Variants in DMD observed in about 807,000 individuals in gnomAD.
DMD encodes mutant dystrophin.
In DMD, 63 loss-of-function variants were observed where a neutral mutation model predicts 330.1. The ratio of observed to expected loss-of-function variants is 0.19; its 90% CI spans 0.16 to 0.24. The LOEUF (loss-of-function observed/expected upper bound fraction) is 0.24. Among genes scored for constraint, DMD ranks in the 10% least tolerant of loss-of-function variants. DMD has a pLI of 1.00. For synonymous variants in DMD, 1,223 were observed against 959.8 expected, an observed-to-expected ratio of 1.27 and a Z score of -5.07; for missense variants, 3,344 against 2,684.1, an observed-to-expected ratio of 1.25 and a Z score of -5.43.
chrX:31,707,530 G>A (rs1260594144), intron 52 of DMD, among the ~76,000 whole-genome samples: 3 of 110,696 alleles, frequency 2.7e-5, no homozygotes, highest in Non-Finnish European at 5.7e-5. Flanking sequence ...TCACTAACAT[G>A]GCGATGGGAT....
chrX:31,640,578 G>A (rs1486755198), intron 54 of DMD, among the ~76,000 whole-genome samples: 2 of 111,949 alleles, frequency 1.8e-5, no homozygotes, highest in Non-Finnish European at 3.8e-5. Context: ...TTTGGTAAAC[G>A]GTGCATTAAA....
chrX:33,160,544 A>C (rs1479829826), intron 1 of DMD, among the ~76,000 whole-genome samples: 2 of 112,365 alleles, frequency 1.8e-5, no homozygotes, highest in African/African-American at 3.2e-5. Flanking sequence ...CCTTAAATAC[A>C]TTCCATTAAA....
intron 55 of DMD, among the ~76,000 whole-genome samples, chrX:31,591,980 T>C (rs1319448993): frequency 9.0e-6 from 1 of 110,803 alleles, no homozygotes; most frequent in Non-Finnish European, 1.9e-5. Context: ...CCTCCTCCTC[T>C]AAAAAGCCTT....
chrX:32,165,353 A>T (rs2096864513), intron 44 of DMD, among the ~76,000 whole-genome samples: 1 of 112,736 alleles, frequency 8.9e-6, no homozygotes, highest in African/African-American at 3.2e-5. Flanking sequence ...TGTTACCTGG[A>T]TGTGAGAAAT....
chrX:32,705,345 TTGA>T (rs1224355148), intron 7 of DMD, among the ~76,000 whole-genome samples: 10 of 112,373 alleles, frequency 8.9e-5, no homozygotes, highest in Non-Finnish European at 1.7e-4. Flanking sequence ...ATAATTTGCG[TTGA>T]TGAAGATGAT....
intron 44 of DMD, among the ~76,000 whole-genome samples, chrX:32,158,360 C>T (rs1343220648): frequency 9.1e-6 from 1 of 109,820 alleles, no homozygotes; most frequent in Non-Finnish European, 1.9e-5. Context: ...TAGCAAGACC[C>T]CATCTCAAAA....
At chrX:31,883,102 G>T (rs1462185924) in intron 47 of DMD, among the ~76,000 whole-genome samples, 2 of 111,765 alleles carry the variant, frequency 1.8e-5, no homozygotes, top group East Asian at 5.6e-4. Context: ...ATAAACTGTG[G>T]CATATTCACA....
chrX:31,182,851 C>T lies in DMD; in HGVS notation c.9861G>A (p.Leu3287=). ...EAALFLDWMR[L]EPQSMVWLPV... ...GCAGCCACACCATGGACTGGGGTTC[C>T]AGTCTCATCCAGTCTAGGAAGAGGG... The change falls in exon 68 of 79, where the codon CTG becomes CTA. Residue 3287 remains leucine (L), a synonymous_variant. Transcript: ENST00000357033. 2.5e-6 allele frequency: 3 copies of T among 1,209,320 alleles called. No homozygotes were observed. Among genetic ancestry groups the T allele is most frequent in the Non-Finnish European group, 3.4e-6 (3 of 894,646 alleles).
At chrX:33,129,325 C>CTTTTT (rs58505662) in intron 1 of DMD, among the ~76,000 whole-genome samples, 844 of 30,702 alleles carry the variant, frequency 0.027, 254 homozygotes, top group African/African-American at 0.063. Context: ...TTAAGGTTTG[C>CTTTTT]TTTTTTTTTT....
chrX:32,454,790 T>G lies in DMD; in HGVS notation c.3475A>C (p.Thr1159Pro). ...KEALKGGLEK[T>P]VSLQKDLSEM... Reference sequence around the variant, plus strand: ...GATAGATCTTTCTGGAGGCTTACAGTTTTCTCCAAACCTCCCTTCAAGGCC... The same window carrying G: ...GATAGATCTTTCTGGAGGCTTACAGGTTTCTCCAAACCTCCCTTCAAGGCC... Residue 1159 changes from threonine to proline, a missense_variant, in exon 26 of 79, where the codon ACT becomes CCT. Coordinates refer to ENST00000357033, the MANE Select transcript of DMD (RefSeq NM_004006.3). 8.3e-7 allele frequency: 1 copy of G among 1,207,904 alleles called. No individual in the cohort carries two copies.
At chrX:31,497,076 T>C (rs1219027034) in intron 56 of DMD, 132 bp from the exon 57 acceptor site, 25 of 819,135 alleles carry the variant, frequency 3.1e-5, no homozygotes, top group Non-Finnish European at 4.1e-5. Context: ...TCTGGCTACT[T>C]ACTTTTGAGA....
intron 9 of DMD, among the ~76,000 whole-genome samples, chrX:32,687,097 A>G (rs1459627450): frequency 3.6e-5 from 4 of 112,317 alleles, no homozygotes; most frequent in Non-Finnish European, 7.5e-5. Flanking sequence ...CTAGAAAGCA[A>G]TTAAGTGGCC....
In DMD at chrX:31,816,794, T is replaced by TCACACA. The variant is rs759346277; in HGVS notation, c.7309+3175_7309+3180dup. 5.3e-4 allele frequency among the ~76,000 whole-genome samples: 45 copies of TCACACA among 85,361 alleles called. 1 individual carries two copies. The highest frequency in any genetic ancestry group is 1.9e-3 in the South Asian group (3 of 1,555). 74.1% of individuals were successfully genotyped at this position (85,361 alleles called of 115,157 possible). A position where few individuals can be genotyped will look rare whatever the true frequency, so the allele number is the denominator to read the frequency against. ...GCCTGGGCAACAGAGCAAGATTCTG[T>TCACACA]CACACACACACACACACACACACAC... On this transcript the variant is annotated intron_variant, in intron 50 of 78. Transcript: ENST00000357033.
intron 2 of DMD, among the ~76,000 whole-genome samples, chrX:32,874,748 C>CT (rs1474011638): frequency 1.8e-5 from 2 of 111,822 alleles, no homozygotes; most frequent in Non-Finnish European, 3.8e-5. Context: ...CTTTTAGCCT[C>CT]TTTATGGGTT....
chrX:32,318,260 T>C (rs1369877677), intron 41 of DMD, among the ~76,000 whole-genome samples: 1 of 111,576 alleles, frequency 9.0e-6, no homozygotes, highest in Non-Finnish European at 1.9e-5. Flanking sequence ...ATAGGCATTG[T>C]AAGCATAAAA....
rs371892664 is a variant in DMD, at chrX:32,085,649, T to TACGC, written c.6439-117136_6439-117135insGCGT. Among the ~76,000 whole-genome samples the TACGC allele has an allele frequency of 4.9e-3, 218 of 44,279 alleles. 4 individuals are homozygous for TACGC. The highest frequency in any genetic ancestry group is 0.017 in the African/African-American group (201 of 11,885). 38.5% of individuals were successfully genotyped at this position (44,279 alleles called of 115,157 possible). A position where few individuals can be genotyped will look rare whatever the true frequency, so the allele number is the denominator to read the frequency against. On this transcript the variant is annotated intron_variant, in intron 44 of 78. Transcript: ENST00000357033. ...ATATACACATATATACGTATATATA[T>TACGC]GTGTGTATATATACGTATATATACA...
chrX:32,528,136 C>A (rs757268534), intron 17 of DMD, among the ~76,000 whole-genome samples: 11 of 111,159 alleles, frequency 9.9e-5, no homozygotes, highest in Non-Finnish European at 1.9e-4. Context: ...TGACGAAACC[C>A]CGTCTCTACT....
chrX:31,813,155 C>A (rs1675336072), intron 50 of DMD, among the ~76,000 whole-genome samples: 1 of 111,824 alleles, frequency 8.9e-6, no homozygotes, highest in South Asian at 3.7e-4. Flanking sequence ...GGAAGAAAGC[C>A]TACACATCGG....
intron 44 of DMD, among the ~76,000 whole-genome samples, chrX:32,199,476 G>A (rs1484843715): frequency 1.8e-5 from 2 of 110,900 alleles, no homozygotes; most frequent in Non-Finnish European, 3.8e-5. Context: ...GATGACTCAC[G>A]GTTGCACGCC....
Sources: allele counts gnomAD v4.1 joint callset (sites outside exome capture counted in the v4.1 genomes callset), GRCh38; gene constraint gnomAD v4.1.1; transcripts MANE v1.5; gene names NCBI Gene and HGNC (gene_info 2026-07-23, HGNC 2026-07-21).